Variants in TASP1 observed in about 807,000 individuals in gnomAD.
TASP1 encodes the protein taspase 1, also known as threonine aspartase 1.
TASP1 carries 16 observed loss-of-function variants against 56.6 expected under a neutral mutation model. That is an observed-to-expected ratio of 0.28 (90% CI 0.19 to 0.43). TASP1 has a LOEUF of 0.43. Ranked by LOEUF, TASP1 falls within the 20% of genes least tolerant of loss-of-function variation. The pLI, the probability that TASP1 is intolerant of heterozygous loss-of-function variation, is 1.00. For synonymous variants in TASP1, 179 were observed against 184.2 expected (o/e 0.97, Z 0.23); for missense variants, 393 against 511.6 (o/e 0.77, Z 2.24).
At chr20:13,297,451 C>CA in the TASP1 span, among the ~76,000 whole-genome samples, 87 of 152,236 alleles carry the variant, frequency 5.7e-4, no homozygotes, top group East Asian at 0.016. Context: ...AATCACTTCC[C>CA]AAAAAATCAT....
chr20:13,206,682 A>G, the TASP1 span, among the ~76,000 whole-genome samples: 1 of 152,106 alleles, frequency 6.6e-6, no homozygotes, highest in African/African-American at 2.4e-5. Flanking sequence ...TTGCATCCAG[A>G]CAGTAGACAA....
the TASP1 span, among the ~76,000 whole-genome samples, chr20:13,134,685 A>G: frequency 6.6e-6 from 1 of 152,178 alleles, no homozygotes; most frequent in African/African-American, 2.4e-5. Flanking sequence ...CAGAAAAGAA[A>G]CAGATCTGTG....
chr20:13,619,431 C>T (rs898950225), intron 4 of TASP1, among the ~76,000 whole-genome samples: 15 of 152,102 alleles, frequency 9.9e-5, no homozygotes, highest in African/African-American at 3.6e-4. Context: ...AAGAAAAACA[C>T]CAATGTGCAA....
chr20:13,211,188 T>C, the TASP1 span, among the ~76,000 whole-genome samples: 1 of 152,182 alleles, frequency 6.6e-6, no homozygotes, highest in Non-Finnish European at 1.5e-5. Context: ...GTGTATTATA[T>C]TGCAGGAATG....
At chr20:13,602,494 T>C (rs1007582791) in intron 4 of TASP1, among the ~76,000 whole-genome samples, 3 of 152,192 alleles carry the variant, frequency 2.0e-5, no homozygotes, top group Non-Finnish European at 4.4e-5. Flanking sequence ...CTAATTAAGA[T>C]GCTAATTAGG....
the TASP1 span, among the ~76,000 whole-genome samples, chr20:13,158,290 A>C: frequency 6.6e-6 from 1 of 152,210 alleles, no homozygotes; most frequent in Non-Finnish European, 1.5e-5. Flanking sequence ...TAAAATTTCC[A>C]GTGCAATCAT....
intron 13 of TASP1, among the ~76,000 whole-genome samples, chr20:13,415,888 G>A (rs1239280628): frequency 6.6e-6 from 1 of 152,110 alleles, no homozygotes; most frequent in Non-Finnish European, 1.5e-5. Context: ...CAATATTAAG[G>A]GGACAGAGAA....
chr20:13,501,985 TAAC>T (rs888880147), intron 10 of TASP1, among the ~76,000 whole-genome samples: 34 of 152,052 alleles, frequency 2.2e-4, no homozygotes, highest in African/African-American at 7.7e-4. Flanking sequence ...ATAGAAGACA[TAAC>T]AATCTAAATG....
At chr20:13,243,396 T>C in the TASP1 span, among the ~76,000 whole-genome samples, 16,081 of 152,106 alleles carry the variant, frequency 0.11, 1,228 homozygotes, top group African/African-American at 0.2. Flanking sequence ...TGGAAATGTA[T>C]TCCCTGATAA....
At position 13,457,463 on chromosome 20, in the gene TASP1, T is replaced by G. The variant is rs987752476; in HGVS notation, c.986-22309A>C. ...TTATAGAATTTTTGTAAGAAAGAAA[T>G]AAAACCACAAAACTTTATTGTAGTA... On this transcript the variant is annotated intron_variant, in intron 11 of 13. Transcript: ENST00000337743. Among the ~76,000 whole-genome samples, 5 of 152,102 alleles carry G rather than the reference T, an allele frequency of 3.3e-5. 1 individual carries two copies. The East Asian group carries it at 7.7e-4, about 24-fold the overall frequency.
At chr20:13,436,462 G>C (rs146423754) in intron 11 of TASP1, among the ~76,000 whole-genome samples, 13 of 151,936 alleles carry the variant, frequency 8.6e-5, no homozygotes, top group Non-Finnish European at 1.6e-4. Flanking sequence ...GAAAAACTTT[G>C]CCAACTCCTG....
At chr20:13,415,845 C>A (rs2042237704) in intron 13 of TASP1, among the ~76,000 whole-genome samples, 1 of 152,160 alleles carries the variant, frequency 6.6e-6, no homozygotes, top group South Asian at 2.1e-4. Flanking sequence ...CTCAAACATG[C>A]TCTTTTGTTA....
chr20:13,117,669 A>G, the TASP1 span: 2 of 1,613,938 alleles, frequency 1.2e-6, no homozygotes, highest in Non-Finnish European at 1.7e-6. Flanking sequence ...TGATGTGCTC[A>G]TGGGCACATT....
Position 13,390,375 on chromosome 20 carries a change from C to T in TASP1, c.1248G>A (p.Glu416=). 6.2e-7 allele frequency: 1 copy of T among 1,614,074 alleles called. No individual in the cohort carries two copies. Among genetic ancestry groups the T allele is most frequent in the Non-Finnish European group, 8.5e-7 (1 of 1,179,944 alleles). ...GCCTGAAGGGTCAGTTCACTGGGCT[C>T]TCCAGGCGGCACACCCCACCTTCGA... The part of the protein sequence containing the change: ...VAIEGGVCRL[E]SPVN The change falls in exon 14 of 14, where the codon GAG becomes GAA. Residue 416 remains glutamate (E), a synonymous_variant. Coordinates refer to ENST00000337743, the MANE Select transcript of TASP1 (RefSeq NM_017714.3).
chr20:13,533,427 AAAGTGAAG>A (rs2045297390), intron 9 of TASP1, among the ~76,000 whole-genome samples: 1 of 152,192 alleles, frequency 6.6e-6, no homozygotes, highest in Non-Finnish European at 1.5e-5. Context: ...GGAAAGGGGC[AAAGTGAAG>A]AAGATGTGCA....
the TASP1 span, among the ~76,000 whole-genome samples, chr20:13,363,566 C>T: frequency 3.3e-4 from 50 of 152,300 alleles, no homozygotes; most frequent in Middle Eastern, 6.8e-3. Context: ...CATGAAAACC[C>T]CCAATGTTTT....
At chr20:13,221,636 G>C in the TASP1 span, 1 of 616,788 alleles carries the variant, frequency 1.6e-6, no homozygotes, top group East Asian at 5.5e-5. Flanking sequence ...CAGCCCCGCG[G>C]GCCCGGGAAG....
At chr20:13,151,565 A>G in the TASP1 span, among the ~76,000 whole-genome samples, 1 of 152,176 alleles carries the variant, frequency 6.6e-6, no homozygotes, top group Non-Finnish European at 1.5e-5. Context: ...AGTAACAGAA[A>G]ACAAGCATGG....
At chr20:13,391,657 C>T (rs1002872149) in intron 13 of TASP1, among the ~76,000 whole-genome samples, 1 of 152,062 alleles carries the variant, frequency 6.6e-6, no homozygotes, top group African/African-American at 2.4e-5. Context: ...AGCTTATCTC[C>T]AGAGTTCTTT....
Sources: gnomAD v4.1 joint callset for allele counts (sites outside exome capture counted in the v4.1 genomes callset) on GRCh38, gnomAD v4.1.1 for gene constraint, MANE v1.5 for transcripts, NCBI Gene and HGNC (gene_info 2026-07-23, HGNC 2026-07-21) for gene names.